Variants in PCDHA7 observed in about 807,000 individuals in gnomAD.
PCDHA7 encodes the protein protocadherin alpha-7.
In PCDHA7, 37 loss-of-function variants were observed where a neutral mutation model predicts 57.2. The observed-to-expected ratio is 0.65, with a 90% confidence interval of 0.50 to 0.85. PCDHA7 has a LOEUF of 0.85. Ranked by LOEUF, PCDHA7 falls within the 40% of genes least tolerant of loss-of-function variation. PCDHA7 has a pLI of 0.00. For missense variants in PCDHA7, 1,188 were observed against 1,241.8 expected (o/e 0.96, Z 0.65); for synonymous variants, 553 against 558.8 (o/e 0.99, Z 0.15).
At chr5:140,882,993 T>G (rs1554176415) in intron 1 of PCDHA7, 2 of 1,614,080 alleles carry the variant, frequency 1.2e-6, no homozygotes, top group Non-Finnish European at 1.7e-6. Flanking sequence ...GCCCCGGAAT[T>G]TTACCAATCC....
intron 1 of PCDHA7, chr5:140,857,969 T>A: frequency 6.3e-7 from 1 of 1,596,804 alleles, no homozygotes; most frequent in Non-Finnish European, 8.6e-7. Context: ...TGAGACTGAC[T>A]CGCCACGCCA....
rs529079699 is a variant in PCDHA7, at chr5:140,984,687, T to C, written c.2503+2124T>C. ...TTAGGTTTTTAGGACTCAATATATGTTCTGCACTGCTTGGAGGGAATATGG... is the reference window on the plus strand; with the variant it reads ...TTAGGTTTTTAGGACTCAATATATGCTCTGCACTGCTTGGAGGGAATATGG... On this transcript the variant is annotated intron_variant, in intron 3 of 3. Transcript: ENST00000525929. Among the ~76,000 whole-genome samples the C allele has an allele frequency of 2.0e-5, 3 of 152,332 alleles. No individual in the cohort carries two copies. The East Asian group carries it at 5.8e-4, about 29-fold the overall frequency.
rs532145972 is a variant in PCDHA7 at position 140,957,602 on chromosome 5, C to T, written c.2356-21347C>T. On this transcript the variant is annotated intron_variant, in intron 1 of 3. Transcript: ENST00000525929. Reference sequence around the variant, plus strand: ...TTAACAAAGCACTTCCCAGAATAAACACACAGACATATACATGCACACACT... The same window carrying T: ...TTAACAAAGCACTTCCCAGAATAAATACACAGACATATACATGCACACACT... 3.3e-5 allele frequency among the ~76,000 whole-genome samples: 5 copies of T among 152,174 alleles called. No homozygotes were observed. In the East Asian group the frequency reaches 9.6e-4, roughly 29 times the overall value.
intron 1 of PCDHA7, among the ~76,000 whole-genome samples, chr5:140,920,659 C>T (rs1325541731): frequency 1.3e-5 from 2 of 152,098 alleles, no homozygotes; most frequent in East Asian, 3.9e-4. Flanking sequence ...TCCTTGCCAA[C>T]ATGGTGAAAC....
At chr5:140,858,420 G>C in intron 1 of PCDHA7, 4 of 1,558,504 alleles carry the variant, frequency 2.6e-6, no homozygotes, top group South Asian at 1.1e-5. Context: ...TCTATTGGAG[G>C]GGACCACTCT....
At chr5:140,876,166 G>A (rs1554168317) in intron 1 of PCDHA7, 4 of 1,613,964 alleles carry the variant, frequency 2.5e-6, no homozygotes, top group Middle Eastern at 3.3e-4. Flanking sequence ...TCAAATAACC[G>A]TCCTGGATGT....
chr5:140,857,035 G>A (rs1358871197), intron 1 of PCDHA7: 4 of 1,596,218 alleles, frequency 2.5e-6, no homozygotes, highest in Non-Finnish European at 3.4e-6. Context: ...ACCCACCTAT[G>A]GTTGGTCACT....
At chr5:140,912,689 C>T (rs879967123) in intron 1 of PCDHA7, among the ~76,000 whole-genome samples, 1 of 152,112 alleles carries the variant, frequency 6.6e-6, no homozygotes, top group Admixed American at 6.5e-5. Context: ...TTCCAGGTCT[C>T]AGGGGGAATG....
At chr5:140,863,497 C>A in intron 1 of PCDHA7, 1 of 434,948 alleles carries the variant, frequency 2.3e-6, no homozygotes, top group South Asian at 1.8e-5. Context: ...AACATTACGG[C>A]TTTTAGTCCT....
At chr5:140,900,139 G>A (rs985320509) in intron 1 of PCDHA7, among the ~76,000 whole-genome samples, 2 of 152,156 alleles carry the variant, frequency 1.3e-5, no homozygotes, top group East Asian at 3.9e-4. Context: ...CCACAAATAA[G>A]TAAGAACATA....
intron 1 of PCDHA7, chr5:140,969,130 C>A (rs1353677478): frequency 2.5e-6 from 4 of 1,614,132 alleles, no homozygotes; most frequent in Non-Finnish European, 1.7e-6. Context: ...GCTCCCTCAC[C>A]AAGACCTACT....
At chr5:140,887,668 A>G (rs1047587717) in intron 1 of PCDHA7, among the ~76,000 whole-genome samples, 1 of 151,958 alleles carries the variant, frequency 6.6e-6, no homozygotes, top group Non-Finnish European at 1.5e-5. Context: ...CTGTGGATTT[A>G]TCATTTTCAT....
chr5:140,998,438 A>T (rs114296649), intron 3 of PCDHA7, among the ~76,000 whole-genome samples: 1,585 of 152,188 alleles, frequency 0.01, 12 homozygotes, highest in Middle Eastern at 0.058. Flanking sequence ...TAACACTATT[A>T]TTGTATTTAT....
chr5:140,857,861 T>A lies in PCDHA7; in HGVS notation c.2355+21123T>A, dbSNP rs890760526. 6.3e-7 allele frequency: 1 copy of A among 1,597,494 alleles called. No homozygotes were observed. The highest frequency in any genetic ancestry group is 2.2e-5 in the East Asian group (1 of 44,806). ...GGACGCTGACTCTGGATACAACGCGTGGCTGTCGTATGAATTGCAGTCGGC... is the reference window on the plus strand; with the variant it reads ...GGACGCTGACTCTGGATACAACGCGAGGCTGTCGTATGAATTGCAGTCGGC... On this transcript the variant is annotated intron_variant, in intron 1 of 3. Transcript: ENST00000525929.
At chr5:140,973,398 C>G (rs2096585734) in intron 1 of PCDHA7, among the ~76,000 whole-genome samples, 1 of 152,230 alleles carries the variant, frequency 6.6e-6, no homozygotes, top group East Asian at 1.9e-4. Flanking sequence ...GAAATCATAT[C>G]TATGAGCTTC....
chr5:140,902,822 C>T (rs1239042138), intron 1 of PCDHA7, among the ~76,000 whole-genome samples: 4 of 151,576 alleles, frequency 2.6e-5, no homozygotes, highest in Admixed American at 2.0e-4. Context: ...ATTTGGTTTT[C>T]GATTTCTGAG....
chr5:140,843,597 G>A, intron 1 of PCDHA7: 1 of 1,596,060 alleles, frequency 6.3e-7, no homozygotes. Flanking sequence ...CAGAGGGTGT[G>A]CTCTGGTGAG....
rs574487083 is a variant in PCDHA7 at position 140,915,476 on chromosome 5, T to C, written c.2356-63473T>C. Among the ~76,000 whole-genome samples the C allele has an allele frequency of 2.0e-5, 3 of 152,296 alleles. No homozygotes were observed. The South Asian group carries it at 6.2e-4, about 32-fold the overall frequency. On this transcript the variant is annotated intron_variant, in intron 1 of 3. Transcript: ENST00000525929. ...CCAGAAGGTTTTTATTTGAAGGAGC[T>C]TGGGCCTCAATCCCAATAATACTGT...
At chr5:140,952,104 C>T (rs1009516552) in intron 1 of PCDHA7, among the ~76,000 whole-genome samples, 3 of 152,102 alleles carry the variant, frequency 2.0e-5, no homozygotes, top group South Asian at 2.1e-4. Flanking sequence ...AGGGCACACT[C>T]GTGTGAGGGA....
Sources: gnomAD v4.1 joint callset for allele counts (sites outside exome capture counted in the v4.1 genomes callset) on GRCh38, gnomAD v4.1.1 for gene constraint, MANE v1.5 for transcripts, NCBI Gene and HGNC (gene_info 2026-07-23, HGNC 2026-07-21) for gene names.